The following LRP1B variants were observed in gnomAD, a reference collection of about 807,000 sequenced individuals.
The protein encoded by LRP1B is low-density lipoprotein receptor-related protein 1B.
LRP1B carries 217 observed loss-of-function variants against 556.6 expected under a neutral mutation model. That is an observed-to-expected ratio of 0.39 (90% confidence interval 0.35 to 0.44). LRP1B has a LOEUF of 0.44. Ranked by LOEUF, LRP1B falls within the 20% of genes least tolerant of loss-of-function variation. The pLI, the probability that LRP1B is intolerant of heterozygous loss-of-function variation, is 1.00. For synonymous variants in LRP1B, 2,047 were observed against 1,865.8 expected (o/e 1.10, Z -2.50); for missense variants, 5,053 against 5,620.8 (o/e 0.90, Z 3.23).
At chr2:141,885,625 T>C (rs1699087883) in intron 1 of LRP1B, among the ~76,000 whole-genome samples, 1 of 152,154 alleles carries the variant, frequency 6.6e-6, no homozygotes, top group Admixed American at 6.6e-5. Flanking sequence ...GCGTGAATGA[T>C]CAAGCATGAT....
At chr2:140,698,564 C>T (rs558789329) in intron 41 of LRP1B, among the ~76,000 whole-genome samples, 20 of 152,130 alleles carry the variant, frequency 1.3e-4, no homozygotes, top group South Asian at 1.2e-3. Flanking sequence ...TCCTATCTGC[C>T]TCTTTATCCT....
intron 3 of LRP1B, among the ~76,000 whole-genome samples, chr2:141,461,487 T>C (rs959524830): frequency 6.6e-6 from 1 of 152,178 alleles, no homozygotes; most frequent in Admixed American, 6.6e-5. Flanking sequence ...AATGAAAGTC[T>C]ATATATACAC....
chr2:141,137,036 G>A (rs947350404), intron 7 of LRP1B, among the ~76,000 whole-genome samples: 19 of 151,482 alleles, frequency 1.3e-4, no homozygotes, highest in African/African-American at 2.2e-4. Context: ...TTCATTATTC[G>A]AAAAAAAGTC....
intron 2 of LRP1B, among the ~76,000 whole-genome samples, chr2:141,545,858 C>T (rs1479498677): frequency 1.3e-5 from 2 of 152,050 alleles, no homozygotes; most frequent in Non-Finnish European, 2.9e-5. Flanking sequence ...AACAGATTTC[C>T]CCCACATATT....
chr2:141,602,339 G>A (rs537706003), intron 2 of LRP1B, among the ~76,000 whole-genome samples: 1 of 152,168 alleles, frequency 6.6e-6, no homozygotes, highest in Non-Finnish European at 1.5e-5. Flanking sequence ...AAGTACAGCT[G>A]AGTACTGAAA....
chr2:141,785,822 G>C (rs1695415145), intron 2 of LRP1B, among the ~76,000 whole-genome samples: 1 of 151,414 alleles, frequency 6.6e-6, no homozygotes, highest in African/African-American at 2.4e-5. Context: ...TCACACTGTG[G>C]AATCAGTTTT....
intron 3 of LRP1B, among the ~76,000 whole-genome samples, chr2:141,450,104 G>C (rs1468042717): frequency 6.6e-6 from 1 of 152,052 alleles, no homozygotes; most frequent in Non-Finnish European, 1.5e-5. Flanking sequence ...AGAGAAGGAG[G>C]GTTGGAAGGA....
chr2:141,149,951 T>G (rs1181360653), intron 7 of LRP1B, among the ~76,000 whole-genome samples: 1 of 152,178 alleles, frequency 6.6e-6, no homozygotes, highest in East Asian at 1.9e-4. Flanking sequence ...GGTAGACTAG[T>G]GTCTCTCACA....
chr2:141,867,972 C>T (rs1303015797), intron 1 of LRP1B, among the ~76,000 whole-genome samples: 5 of 152,120 alleles, frequency 3.3e-5, no homozygotes, highest in East Asian at 3.9e-4. Flanking sequence ...TGGGAAATAA[C>T]TGAAACATTA....
intron 2 of LRP1B, among the ~76,000 whole-genome samples, chr2:141,512,265 GTCA>G (rs982449331): frequency 1.3e-5 from 2 of 152,070 alleles, no homozygotes; most frequent in Non-Finnish European, 2.9e-5. Flanking sequence ...GGTGAGTATT[GTCA>G]TACTAATATG....
chr2:141,111,431 C>T (rs970373824), intron 7 of LRP1B, among the ~76,000 whole-genome samples: 1 of 152,034 alleles, frequency 6.6e-6, no homozygotes, highest in Non-Finnish European at 1.5e-5. Context: ...CACCTTTAAT[C>T]AACAGTCAAT....
At position 141,390,809 on chromosome 2, in the gene LRP1B, G is replaced by A. The variant is rs141659096; in HGVS notation, c.343+89587C>T. On this transcript the variant is annotated intron_variant, in intron 3 of 90. Coordinates refer to ENST00000389484, the MANE Select transcript of LRP1B (RefSeq NM_018557.3). Reference sequence around the variant, plus strand: ...AGAATGAAGAACAAGTGCGCAATGCGCTCAAATGTTTTGGAACTAGACAGA... The same window carrying A: ...AGAATGAAGAACAAGTGCGCAATGCACTCAAATGTTTTGGAACTAGACAGA... 7.7e-3 allele frequency among the ~76,000 whole-genome samples: 1,171 copies of A among 152,292 alleles called. 15 individuals carry two copies. Among genetic ancestry groups the A allele is most frequent in the African/African-American group, 0.027 (1,112 of 41,570 alleles).
chr2:141,303,756 T>A (rs1686481970), intron 3 of LRP1B, among the ~76,000 whole-genome samples: 2 of 152,162 alleles, frequency 1.3e-5, no homozygotes, highest in African/African-American at 2.4e-5. Flanking sequence ...TTTGATGTAT[T>A]GATTTCTTTT....
chr2:140,695,011 T>A (rs928586183), intron 41 of LRP1B, among the ~76,000 whole-genome samples: 1 of 151,842 alleles, frequency 6.6e-6, no homozygotes, highest in African/African-American at 2.4e-5. Context: ...CTTTGCTTCT[T>A]TGATGAACCC....
At chr2:142,032,893 T>C (rs1703755482) in intron 1 of LRP1B, among the ~76,000 whole-genome samples, 2 of 151,826 alleles carry the variant, frequency 1.3e-5, no homozygotes, top group Admixed American at 1.3e-4. Context: ...TGATGATGTG[T>C]CCGTTACATT....
intron 7 of LRP1B, among the ~76,000 whole-genome samples, chr2:141,147,849 T>G (rs1701824707): frequency 6.6e-6 from 1 of 152,222 alleles, no homozygotes; most frequent in Admixed American, 6.5e-5. Flanking sequence ...TATAATACCG[T>G]ATTTTTCCTT....
At position 140,601,609 on chromosome 2, in the gene LRP1B, T is replaced by C; in HGVS notation, c.6830A>G (p.His2277Arg). The change falls in exon 42 of 91, where the codon CAC (histidine) becomes CGC (arginine). Residue 2277 changes from histidine to arginine, a missense_variant. By Grantham distance (29) the His-to-Arg change is conservative. Transcript: ENST00000389484. ...NVGSVEGLAY[H>R]RAWDTLYWTS... is the part of the protein sequence containing the mutation. ...CCAGTACAGTGTATCCCAGGCTCTG[T>C]GATAGGCAAGTCCTTCCACAGAACC... 6.2e-7 allele frequency: 1 copy of C among 1,602,720 alleles called. No individual in the cohort carries two copies. Among genetic ancestry groups the C allele is most frequent in the Non-Finnish European group, 8.5e-7 (1 of 1,172,964 alleles).
chr2:141,547,265 T>G (rs966751108), intron 2 of LRP1B, among the ~76,000 whole-genome samples: 12 of 152,208 alleles, frequency 7.9e-5, no homozygotes, highest in African/African-American at 2.4e-4. Flanking sequence ...CTAATGTCTG[T>G]CAGATCAATA....
chr2:140,363,404 A>G (rs779633502), intron 72 of LRP1B, among the ~76,000 whole-genome samples: 1 of 151,588 alleles, frequency 6.6e-6, no homozygotes, highest in Non-Finnish European at 1.5e-5. Context: ...GCAGCTGTAC[A>G]TCAATTATTG....
Sources: gnomAD v4.1 joint callset for allele counts (sites outside exome capture counted in the v4.1 genomes callset) on GRCh38, gnomAD v4.1.1 for gene constraint, MANE v1.5 for transcripts, NCBI Gene and HGNC (gene_info 2026-07-23, HGNC 2026-07-21) for gene names.